The following C16orf87 variants were observed in gnomAD, a reference collection of about 807,000 sequenced individuals.
The protein encoded by C16orf87 is UPF0547 protein C16orf87.
C16orf87 carries 13 observed loss-of-function variants against 21.0 expected under a neutral mutation model. The ratio of observed to expected loss-of-function variants is 0.62; its 90% CI spans 0.40 to 0.98. The LOEUF (loss-of-function observed/expected upper bound fraction) is 0.98, where lower values mean the gene tolerates loss of function less well. C16orf87 is among the 50% of genes least tolerant of loss of function. C16orf87 has a pLI of 0.00. For missense variants in C16orf87, 113 were observed against 180.4 expected, an observed-to-expected ratio of 0.63 and a Z score of 2.14; for synonymous variants, 49 against 60.2, an observed-to-expected ratio of 0.81 and a Z score of 0.86.
At chr16:46,813,149 C>G (rs865788377) in intron 2 of C16orf87, among the ~76,000 whole-genome samples, 2 of 152,172 alleles carry the variant, frequency 1.3e-5, no homozygotes, top group Non-Finnish European at 2.9e-5. Flanking sequence ...ACCTTCTGCT[C>G]TGATTTCTTC....
chr16:46,803,777 C>T (rs1967844327), intron 3 of C16orf87, among the ~76,000 whole-genome samples: 2 of 150,476 alleles, frequency 1.3e-5, no homozygotes, highest in African/African-American at 4.9e-5. Flanking sequence ...TCTCCAAATG[C>T]AACTACTTTT....
chr16:46,827,262 A>T (rs934552165), intron 1 of C16orf87, among the ~76,000 whole-genome samples: 2 of 152,196 alleles, frequency 1.3e-5, no homozygotes, highest in South Asian at 2.1e-4. Flanking sequence ...CAAAAAACAC[A>T]CCACCACCAC....
chr16:46,821,701 T>G (rs1349724716), intron 2 of C16orf87, among the ~76,000 whole-genome samples: 1 of 152,230 alleles, frequency 6.6e-6, no homozygotes. Context: ...AAAATTGGTG[T>G]CTGTCACAGT....
intron 1 of C16orf87, among the ~76,000 whole-genome samples, chr16:46,830,293 A>AGAGAGAGAGAGAGG (rs1399584805): frequency 1.4e-5 from 2 of 144,734 alleles, no homozygotes; most frequent in Non-Finnish European, 1.5e-5. Flanking sequence ...AGAGAGAGAG[A>AGAGAGAGAGAGAGG]GAGAGAGAGA....
chr16:46,816,557 A>C (rs1413160003), intron 2 of C16orf87, among the ~76,000 whole-genome samples: 1 of 152,220 alleles, frequency 6.6e-6, no homozygotes, highest in Admixed American at 6.5e-5. Flanking sequence ...AATAAAGCAA[A>C]AAGACAAAAA....
intron 1 of C16orf87, 94 bp downstream of exon 1, chr16:46,830,990 G>C (rs750084362): frequency 1.0e-6 from 1 of 976,734 alleles, no homozygotes; most frequent in African/African-American, 1.7e-5. Context: ...TCTGCCCACC[G>C]CTCGGCCTCC....
At chr16:46,817,695 T>TAAAG (rs560748625) in intron 2 of C16orf87, among the ~76,000 whole-genome samples, 3 of 150,910 alleles carry the variant, frequency 2.0e-5, no homozygotes, top group Admixed American at 6.6e-5. Context: ...CTCAAAAAAA[T>TAAAG]AAAGAAAGAA....
chr16:46,800,160 C>CA lies in C16orf87; in HGVS notation c.*2791dup, dbSNP rs1019667878. The CA allele has an allele frequency of 3.4e-5, 5 of 145,376 alleles. No homozygotes were observed. The highest frequency in any genetic ancestry group is 1.3e-4 in the African/African-American group (5 of 39,826). The allele number at this position is 145,376 out of a possible 1,614,324, so 9.0% of individuals were successfully genotyped here. A position where few individuals can be genotyped will look rare whatever the true frequency, so the allele number is the denominator to read the frequency against. ...ATCTGATTACTTTTAGGAAGCAACT[C>CA]AGAGGTCATACTGACCTTTTTTTTT... On this transcript the variant is annotated 3_prime_UTR_variant, in exon 4 of 4. Transcript: ENST00000285697.
At chr16:46,814,191 A>G (rs1968176731) in intron 2 of C16orf87, among the ~76,000 whole-genome samples, 1 of 152,224 alleles carries the variant, frequency 6.6e-6, no homozygotes, top group Admixed American at 6.5e-5. Flanking sequence ...ATAAACTACA[A>G]TCCAAAAATA....
chr16:46,831,036 C>T (rs778065617), intron 1 of C16orf87, 48 bp downstream of exon 1: 10 of 1,488,078 alleles, frequency 6.7e-6, no homozygotes, highest in Non-Finnish European at 9.1e-6. Context: ...CAGACAACGG[C>T]CGCCAAGCCA....
chr16:46,817,916 C>CAAA (rs1056745014), intron 2 of C16orf87, among the ~76,000 whole-genome samples: 1,454 of 68,028 alleles, frequency 0.021, 9 homozygotes, highest in Middle Eastern at 0.042. Flanking sequence ...CATCAAAAAG[C>CAAA]AAAAAAAAAA....
intron 2 of C16orf87, among the ~76,000 whole-genome samples, chr16:46,810,958 C>G (rs1243516635): frequency 6.6e-6 from 1 of 152,094 alleles, no homozygotes; most frequent in Non-Finnish European, 1.5e-5. Context: ...TACTTGGCCA[C>G]CATACGAAGA....
At chr16:46,807,285 A>G (rs181319222) in intron 3 of C16orf87, among the ~76,000 whole-genome samples, 2 of 152,212 alleles carry the variant, frequency 1.3e-5, no homozygotes, top group Admixed American at 1.3e-4. Flanking sequence ...TACTAAAAGT[A>G]AAAAAAGTAG....
intron 2 of C16orf87, among the ~76,000 whole-genome samples, chr16:46,815,588 GA>G (rs1360075773): frequency 6.6e-6 from 1 of 152,052 alleles, no homozygotes; most frequent in Non-Finnish European, 1.5e-5. Context: ...CAGAAGACTT[GA>G]ATAGGTATTT....
intron 2 of C16orf87, among the ~76,000 whole-genome samples, chr16:46,819,605 G>A (rs895698405): frequency 2.6e-5 from 4 of 151,830 alleles, no homozygotes; most frequent in East Asian, 1.9e-4. Flanking sequence ...CCACCGTGCC[G>A]GCTGAGCATT....
intron 2 of C16orf87, among the ~76,000 whole-genome samples, chr16:46,818,155 C>A (rs1959268623): frequency 1.3e-5 from 2 of 152,038 alleles, no homozygotes; most frequent in Non-Finnish European, 2.9e-5. Context: ...GGATTATAGG[C>A]ATGAGTCACC....
intron 2 of C16orf87, 122 bp from the exon 3 acceptor site, chr16:46,809,907 G>C (rs1968035456): frequency 3.3e-6 from 2 of 600,722 alleles, no homozygotes. Flanking sequence ...ATATTTCATA[G>C]AACTACAACC....
At chr16:46,807,500 C>G (rs1453525289) in intron 3 of C16orf87, among the ~76,000 whole-genome samples, 2 of 151,886 alleles carry the variant, frequency 1.3e-5, no homozygotes, top group African/African-American at 4.8e-5. Flanking sequence ...TGGCCCACCA[C>G]CTGCTTTATA....
intron 2 of C16orf87, among the ~76,000 whole-genome samples, chr16:46,818,980 T>G (rs956371948): frequency 4.6e-4 from 70 of 152,386 alleles, no homozygotes; most frequent in Non-Finnish European, 9.0e-4. Flanking sequence ...CCATAGGGCA[T>G]AGGCCAAGTA....
Sources: gnomAD v4.1 joint callset for allele counts (sites outside exome capture counted in the v4.1 genomes callset) on GRCh38, gnomAD v4.1.1 for gene constraint, MANE v1.5 for transcripts, NCBI Gene and HGNC (gene_info 2026-07-23, HGNC 2026-07-21) for gene names.